Variants in CEP83 observed in about 807,000 individuals in gnomAD.
The protein encoded by CEP83 is centrosomal protein 83.
In CEP83, 70 loss-of-function variants were observed where a neutral mutation model predicts 101.9. The observed-to-expected ratio is 0.69, with a 90% CI of 0.57 to 0.84. The LOEUF is 0.84. Among genes scored for constraint, CEP83 ranks in the 40% least tolerant of loss-of-function variants. The probability of loss-of-function intolerance (pLI) is 0.00; values close to 1 mark genes in which losing one functional copy is unlikely to be tolerated. For synonymous variants in CEP83, 264 were observed against 267.9 expected (o/e 0.99, Z 0.14); for missense variants, 715 against 787.2 (o/e 0.91, Z 1.10).
intron 5 of CEP83, 22 bp downstream of exon 5, chr12:94,403,148 G>A (rs768120254): frequency 2.5e-6 from 3 of 1,204,160 alleles, no homozygotes; most frequent in Admixed American, 1.7e-5. Context: ...TAAATGCATA[G>A]TAAACAACAT....
At chr12:94,443,002 T>C (rs2066523133) in intron 1 of CEP83, among the ~76,000 whole-genome samples, 1 of 152,232 alleles carries the variant, frequency 6.6e-6, no homozygotes, top group East Asian at 1.9e-4. Context: ...CATTCTTACA[T>C]AGCCTACAAA....
At chr12:94,387,977 T>C (rs1274125108) in intron 6 of CEP83, among the ~76,000 whole-genome samples, 6 of 152,228 alleles carry the variant, frequency 3.9e-5, no homozygotes, top group African/African-American at 1.2e-4. Context: ...TTATACACTA[T>C]TGATGGCTAC....
intron 4 of CEP83, among the ~76,000 whole-genome samples, chr12:94,409,461 T>A (rs537674629): frequency 6.6e-6 from 1 of 152,160 alleles, no homozygotes; most frequent in African/African-American, 2.4e-5. Context: ...AGAGAGAAAA[T>A]GTTTAACATA....
At chr12:94,438,237 A>G (rs1468869785) in intron 1 of CEP83, among the ~76,000 whole-genome samples, 1 of 152,014 alleles carries the variant, frequency 6.6e-6, no homozygotes, top group African/African-American at 2.4e-5. Flanking sequence ...AAGAAAAAAA[A>G]AAAAGATGCA....
chr12:94,305,193 C>T (rs1165038688), downstream of CEP83: 5 of 1,603,182 alleles, frequency 3.1e-6, no homozygotes, highest in African/African-American at 1.3e-5. Context: ...TCTAAATAAA[C>T]TAGAAAGAGA....
chr12:94,386,651 A>G (rs551332297), intron 6 of CEP83, among the ~76,000 whole-genome samples: 13 of 152,260 alleles, frequency 8.5e-5, no homozygotes, highest in African/African-American at 3.1e-4. Context: ...CAATGTCTGA[A>G]AACTGTGGTT....
At chr12:94,358,541 A>T (rs2060589323) in intron 11 of CEP83, among the ~76,000 whole-genome samples, 1 of 152,216 alleles carries the variant, frequency 6.6e-6, no homozygotes, top group Non-Finnish European at 1.5e-5. Context: ...GCTTTAGAGA[A>T]ATTAGTTGCT....
At chr12:94,334,697 G>A (rs2059380611) in intron 12 of CEP83, among the ~76,000 whole-genome samples, 2 of 152,190 alleles carry the variant, frequency 1.3e-5, no homozygotes, top group South Asian at 2.1e-4. Flanking sequence ...GGATTCTGAA[G>A]GTCCACAGAG....
At chr12:94,411,329 T>G (rs2063866432) in intron 4 of CEP83, among the ~76,000 whole-genome samples, 2 of 152,162 alleles carry the variant, frequency 1.3e-5, no homozygotes, top group African/African-American at 2.4e-5. Context: ...AGAATAGCTG[T>G]CCTTTTTTAG....
chr12:94,277,675 T>C, the CEP83 span: 1 of 325,350 alleles, frequency 3.1e-6, no homozygotes, highest in Non-Finnish European at 6.0e-6. Context: ...TATTCAGAGA[T>C]ACTGAGCATG....
At chr12:94,306,695 G>A (rs1350017628), downstream of CEP83, 2 of 152,264 alleles carry the variant, frequency 1.3e-5, no homozygotes, top group East Asian at 3.9e-4. Flanking sequence ...TACCAACACT[G>A]TATGGAGCAT....
chr12:94,405,108 C>G (rs1300516302), intron 4 of CEP83, among the ~76,000 whole-genome samples: 1 of 152,098 alleles, frequency 6.6e-6, no homozygotes, highest in African/African-American at 2.4e-5. Context: ...AGTATCAAGT[C>G]TGGGTGACAA....
downstream of CEP83, among the ~76,000 whole-genome samples, chr12:94,302,664 G>T (rs1968580606): frequency 6.6e-6 from 1 of 152,144 alleles, no homozygotes; most frequent in Admixed American, 6.6e-5. Flanking sequence ...TGAGAAAATT[G>T]ATGTTCTGGG....
intron 2 of CEP83, among the ~76,000 whole-genome samples, chr12:94,423,176 C>T (rs1436757436): frequency 6.6e-6 from 1 of 152,060 alleles, no homozygotes; most frequent in Non-Finnish European, 1.5e-5. Context: ...CCTCTGCCTC[C>T]TAGGTTCAAG....
rs1346433130 is a variant in CEP83, at chr12:94,369,937, G to A, written c.1033C>T (p.Gln345Ter). 8 of 1,577,454 alleles carry A rather than the reference G, an allele frequency of 5.1e-6. No individual in the cohort carries two copies. The highest frequency in any genetic ancestry group is 7.0e-6 in the Non-Finnish European group (8 of 1,148,524). The change falls in exon 9 of 17, where the codon CAA (glutamine) becomes TAA (stop). Residue 345 changes from glutamine (Q) to a stop codon, truncating the protein, a stop_gained. Coordinates refer to ENST00000397809, the MANE Select transcript of CEP83 (RefSeq NM_016122.3). LOFTEE classifies it high-confidence loss of function. ...SELERERNKIQSELDGLQSDN... is the reference protein window; with the variant it reads ...SELERERNKI ...CACATATTACCATCCAGTTCACTTT[G>A]AATCTTATTCCTTTCTCTTTCTAGC...
chr12:94,316,319 G>C (rs1970675933), intron 14 of CEP83, among the ~76,000 whole-genome samples: 1 of 152,036 alleles, frequency 6.6e-6, no homozygotes, highest in South Asian at 2.1e-4. Flanking sequence ...TTTGTTACTT[G>C]ACTTCGTACT....
At chr12:94,425,589 T>G (rs1252942496) in intron 2 of CEP83, among the ~76,000 whole-genome samples, 1 of 152,174 alleles carries the variant, frequency 6.6e-6, no homozygotes, top group African/African-American at 2.4e-5. Flanking sequence ...CCATCTGTCG[T>G]GTGGGTAATA....
rs1178530381 is a variant in CEP83 at position 94,323,183 on chromosome 12, G to A, written c.1707+8517C>T. Among the ~76,000 whole-genome samples, 4 of 152,132 alleles carry A rather than the reference G, an allele frequency of 2.6e-5. No individual in the cohort carries two copies. The East Asian group carries it at 7.7e-4, about 29-fold the overall frequency. On this transcript the variant is annotated intron_variant, in intron 14 of 16. Transcript: ENST00000397809. Reference sequence around the variant, plus strand: ...GTCACTGCTCTATCCCCTGTATACAGCCTCTTTCCTAGGGGTATGTACAGG... The same window carrying A: ...GTCACTGCTCTATCCCCTGTATACAACCTCTTTCCTAGGGGTATGTACAGG...
At chr12:94,409,478 T>C (rs944840163) in intron 4 of CEP83, among the ~76,000 whole-genome samples, 2 of 152,172 alleles carry the variant, frequency 1.3e-5, no homozygotes, top group African/African-American at 4.8e-5. Flanking sequence ...CATACTTTAA[T>C]CTATAAATAC....
Sources: allele counts gnomAD v4.1 joint callset (sites outside exome capture counted in the v4.1 genomes callset), GRCh38; gene constraint gnomAD v4.1.1; transcripts MANE v1.5; gene names NCBI Gene and HGNC (gene_info 2026-07-23, HGNC 2026-07-21).